The following C1QTNF9 variants were observed in gnomAD, a reference collection of about 807,000 sequenced individuals.
C1QTNF9 encodes complement C1q and tumor necrosis factor-related protein 9A.
In C1QTNF9, 6 loss-of-function variants were observed where a neutral mutation model predicts 10.1. That is an observed-to-expected ratio of 0.59 (90% CI 0.32 to 1.17). The LOEUF (loss-of-function observed/expected upper bound fraction) is 1.17, where lower values mean the gene tolerates loss of function less well. Among genes scored for constraint, C1QTNF9 ranks in the 50% most tolerant of loss-of-function variants. The pLI, the probability that C1QTNF9 is intolerant of heterozygous loss-of-function variation, is 0.04. For missense variants in C1QTNF9, 201 were observed against 418.8 expected (o/e 0.48, Z 4.54); for synonymous variants, 98 against 163.5 (o/e 0.60, Z 3.06).
chr13:24,311,981 A>G (rs1877839883), intron 1 of C1QTNF9, among the ~76,000 whole-genome samples: 1 of 152,160 alleles, frequency 6.6e-6, no homozygotes, highest in African/African-American at 2.4e-5. Context: ...AATCTAGCTC[A>G]TGGTCATACC....
chr13:24,318,791 A>G (rs375254759), intron 2 of C1QTNF9, 27 bp from the exon 3 acceptor site: 4 of 1,614,050 alleles, frequency 2.5e-6, no homozygotes, highest in South Asian at 1.1e-5. Context: ...ATTTCAACTC[A>G]TGCCTGTTTT....
chr13:24,320,678 C>T (rs1462425269), intron 3 of C1QTNF9, among the ~76,000 whole-genome samples: 1 of 151,230 alleles, frequency 6.6e-6, no homozygotes, highest in Non-Finnish European at 1.5e-5. Context: ...AGCCACTGAG[C>T]TGGGCTGGAG....
chr13:24,308,222 C>T (rs1345924591), upstream of C1QTNF9, among the ~76,000 whole-genome samples: 3 of 152,200 alleles, frequency 2.0e-5, no homozygotes. Context: ...CAGAGCTCTC[C>T]GGGGCGCAGA....
At chr13:24,319,771 G>C (rs558513512) in intron 3 of C1QTNF9, among the ~76,000 whole-genome samples, 1 of 152,112 alleles carries the variant, frequency 6.6e-6, no homozygotes, top group South Asian at 2.1e-4. Context: ...CTGATGGGTC[G>C]GGATGTAGTC....
At chr13:24,312,140 C>T (rs1877849729) in intron 1 of C1QTNF9, among the ~76,000 whole-genome samples, 1 of 152,162 alleles carries the variant, frequency 6.6e-6, no homozygotes, top group Admixed American at 6.5e-5. Context: ...GAGTTGATAC[C>T]CAGTCACCTT....
intron 3 of C1QTNF9, among the ~76,000 whole-genome samples, chr13:24,319,772 G>A (rs1878177074): frequency 2.0e-5 from 3 of 152,108 alleles, no homozygotes; most frequent in Admixed American, 2.0e-4. Flanking sequence ...TGATGGGTCG[G>A]GATGTAGTCG....
At chr13:24,316,212 C>T (rs764870153) in intron 2 of C1QTNF9, 43 bp downstream of exon 2, 2 of 1,507,622 alleles carry the variant, frequency 1.3e-6, no homozygotes, top group Non-Finnish European at 1.8e-6. Flanking sequence ...CTTCTCTCTT[C>T]ATTCCTTTCA....
rs921050408 is a variant in C1QTNF9 at position 24,310,755 on chromosome 13, A to G, written c.-23+1139A>G. On this transcript the variant is annotated intron_variant, in intron 1 of 3. Coordinates refer to ENST00000332018, the Ensembl canonical transcript of C1QTNF9. ...GGTGAAACCCCGTCTCTACTAAAAA[A>G]CAAAAAATTAGCCAGGCGTGGTGGT... is the stretch of plus-strand genomic sequence containing the variant. Among the ~76,000 whole-genome samples, 28 of 151,582 alleles carry G rather than the reference A, an allele frequency of 1.8e-4. 1 individual carries two copies. The highest frequency in any genetic ancestry group is 3.4e-4 in the Non-Finnish European group (23 of 67,850).
At chr13:24,308,903 C>G (rs1877703607), upstream of C1QTNF9, among the ~76,000 whole-genome samples, 1 of 152,178 alleles carries the variant, frequency 6.6e-6, no homozygotes, top group Non-Finnish European at 1.5e-5. Context: ...TGATTACTGG[C>G]ATTGAACAAA....
exon 4 of C1QTNF9, chr13:24,321,744 G>C (rs866700216): frequency 6.3e-7 from 1 of 1,585,232 alleles, no homozygotes; most frequent in African/African-American, 1.3e-5. Flanking sequence ...CTTTCACAGG[G>C]TTCCTTCTGT....
chr13:24,314,241 T>C (rs1370676788), intron 1 of C1QTNF9, among the ~76,000 whole-genome samples: 1 of 152,162 alleles, frequency 6.6e-6, no homozygotes, highest in Non-Finnish European at 1.5e-5. Flanking sequence ...TTTTACTTCA[T>C]TTTTTTAAAT....
upstream of C1QTNF9, chr13:24,307,276 C>G (rs1211877570): frequency 6.6e-6 from 1 of 152,228 alleles, no homozygotes; most frequent in Non-Finnish European, 1.5e-5. Flanking sequence ...GGAGGGCACC[C>G]TGGCTTGAGA....
exon 4 of C1QTNF9, chr13:24,321,774 G>A (rs568487790): frequency 1.9e-6 from 3 of 1,545,794 alleles, no homozygotes; most frequent in African/African-American, 1.4e-5. Flanking sequence ...CGTGACAGAG[G>A]AGAGTTTAAA....
At chr13:24,310,457 G>A (rs564519450) in intron 1 of C1QTNF9, among the ~76,000 whole-genome samples, 1 of 151,660 alleles carries the variant, frequency 6.6e-6, no homozygotes, top group African/African-American at 2.4e-5. Context: ...GGCCTATGAT[G>A]GATCTTTTTA....
chr13:24,321,843 T>C, exon 4 of C1QTNF9: 1 of 1,447,146 alleles, frequency 6.9e-7, no homozygotes, highest in African/African-American at 1.4e-5. Flanking sequence ...ATGGTTTTAC[T>C]TTATTAATTC....
rs1878158775 is a variant in C1QTNF9, at chr13:24,319,316, A to C, written c.229+436A>C. Among the ~76,000 whole-genome samples, 3 of 152,186 alleles carry C rather than the reference A, an allele frequency of 2.0e-5. No individual in the cohort carries two copies. The South Asian group carries it at 6.2e-4, about 32-fold the overall frequency. ...CACTTTGGGAGGCCCAGGTAAGAGA[A>C]TCGCTTGAACCTAGGAGTTCCAGAC... On this transcript the variant is annotated intron_variant, in intron 3 of 3. Coordinates refer to ENST00000332018, the Ensembl canonical transcript of C1QTNF9.
rs558675915 is a variant in C1QTNF9, at chr13:24,316,324, T to G, written c.166+155T>G. 2.8e-3 allele frequency among the ~76,000 whole-genome samples: 418 copies of G among 151,580 alleles called. 2 individuals carry two copies. The highest frequency in any genetic ancestry group is 7.3e-3 in the African/African-American group (301 of 40,970). ...CAACACTCACTGGAGCCTGACCCCA[T>G]TCATCCATCCACCCATCTGCCCAGC... On this transcript the variant is annotated intron_variant, in intron 2 of 3. Transcript: ENST00000332018.
chr13:24,318,321 A>G (rs1199465197), intron 2 of C1QTNF9, among the ~76,000 whole-genome samples: 4 of 151,950 alleles, frequency 2.6e-5, no homozygotes, highest in Non-Finnish European at 4.4e-5. Flanking sequence ...TCCTTCCAGA[A>G]CTCTCTCTTC....
At chr13:24,317,097 C>T (rs1565956525) in intron 2 of C1QTNF9, among the ~76,000 whole-genome samples, 1 of 152,172 alleles carries the variant, frequency 6.6e-6, no homozygotes. Context: ...AACCACCATC[C>T]TGCACATCTG....
Sources: gnomAD v4.1 joint callset for allele counts (sites outside exome capture counted in the v4.1 genomes callset) on GRCh38, gnomAD v4.1.1 for gene constraint, MANE v1.5 for transcripts, NCBI Gene and HGNC (gene_info 2026-07-23, HGNC 2026-07-21) for gene names.